The following CSF1R variants were observed in gnomAD, a reference collection of about 807,000 sequenced individuals.
The protein encoded by CSF1R is macrophage colony-stimulating factor 1 receptor.
Under a neutral mutation model 110.0 loss-of-function variants are expected in CSF1R, and 40 were observed. The observed-to-expected ratio is 0.36, with a 90% CI of 0.28 to 0.47. The LOEUF (loss-of-function observed/expected upper bound fraction) is 0.47, where lower values mean the gene tolerates loss of function less well. CSF1R is among the 20% of genes least tolerant of loss of function. The pLI is 0.99. For synonymous variants in CSF1R, 523 were observed against 503.4 expected, an observed-to-expected ratio of 1.04 and a Z score of -0.52; for missense variants, 1,052 against 1,253.0, an observed-to-expected ratio of 0.84 and a Z score of 2.42.
intron 1 of CSF1R, among the ~76,000 whole-genome samples, chr5:150,112,136 C>T (rs1392923943): frequency 7.9e-5 from 12 of 152,216 alleles, no homozygotes; most frequent in Admixed American, 7.9e-4. Flanking sequence ...CCTCACCTTG[C>T]CCCACACAGG....
intron 16 of CSF1R, 123 bp from the exon 17 acceptor site, chr5:150,056,464 T>C: frequency 8.0e-7 from 1 of 1,245,748 alleles, no homozygotes; most frequent in East Asian, 2.5e-5. Context: ...ACAGTTTTGG[T>C]CCTTTACCAC....
chr5:150,053,990 T>C lies in CSF1R; in HGVS notation c.*79A>G, dbSNP rs1757052394. On this transcript the variant is annotated 3_prime_UTR_variant, in exon 21 of 21. Coordinates refer to ENST00000675795, the MANE Select transcript of CSF1R (RefSeq NM_001288705.3). The stretch of plus-strand genomic sequence containing the variant: ...GAAATGACCGAAGGCAGAGTTTGTA[T>C]GTTCTCCCCGTGTCGCCCCATCCAT... 1.4e-6 allele frequency: 2 copies of C among 1,410,298 alleles called. No individual in the cohort carries two copies. Among genetic ancestry groups the C allele is most frequent in the Admixed American group, 3.8e-5 (2 of 53,198 alleles). The allele number at this position is 1,410,298 out of a possible 1,614,324, so 87.4% of individuals were successfully genotyped here.
Position 150,054,019 on chromosome 5 carries a change from G to T in CSF1R, c.*50C>A. ...CTCCCCGTGTCGCCCCATCCATGGA[G>T]GAGTTGAAGTTTGTGGGAGGGGAGA... On this transcript the variant is annotated 3_prime_UTR_variant, in exon 21 of 21. Coordinates refer to ENST00000675795, the MANE Select transcript of CSF1R (RefSeq NM_001288705.3). 6.4e-7 allele frequency: 1 copy of T among 1,572,516 alleles called. No individual in the cohort carries two copies. The highest frequency in any genetic ancestry group is 1.1e-5 in the South Asian group (1 of 88,438).
intron 2 of CSF1R, 68 bp from the exon 3 acceptor site, chr5:150,080,404 A>G (rs1758482683): frequency 6.4e-7 from 1 of 1,552,824 alleles, no homozygotes; most frequent in Non-Finnish European, 8.7e-7. Flanking sequence ...ACCTGGACAT[A>G]GGTGACAAGG....
In CSF1R at chr5:150,063,374, A is replaced by G. The variant is rs1581294799; in HGVS notation, c.1627-1525T>C. ...ATCTGACTTTTTTTTTTTGAGACAG[A>G]GTCTTGCTCCTTCACTCATGCCGGA... is the stretch of plus-strand genomic sequence containing the variant. On this transcript the variant is annotated intron_variant, in intron 10 of 20. Transcript: ENST00000675795. Among the ~76,000 whole-genome samples the G allele has an allele frequency of 2.6e-5, 4 of 151,380 alleles. No homozygotes were observed. The South Asian group carries it at 8.4e-4, about 32-fold the overall frequency.
At chr5:150,109,617 A>G (rs1010102) in intron 1 of CSF1R, among the ~76,000 whole-genome samples, 5,106 of 152,234 alleles carry the variant, frequency 0.034, 247 homozygotes, top group East Asian at 0.22. Context: ...CCACCAGTCC[A>G]GAGTACTTAG....
At chr5:150,087,630 T>G (rs1758894068), upstream of CSF1R, among the ~76,000 whole-genome samples, 3 of 152,234 alleles carry the variant, frequency 2.0e-5, no homozygotes, top group Admixed American at 2.0e-4. Context: ...ATAGCATTCC[T>G]TTGCTCCCTC....
chr5:150,071,380 G>A (rs1758024840), intron 6 of CSF1R, among the ~76,000 whole-genome samples: 1 of 152,100 alleles, frequency 6.6e-6, no homozygotes, highest in Non-Finnish European at 1.5e-5. Flanking sequence ...CCAGTTCACT[G>A]TCAAAATAAA....
chr5:150,109,673 C>T (rs1049162981), intron 1 of CSF1R, among the ~76,000 whole-genome samples: 8 of 152,182 alleles, frequency 5.3e-5, no homozygotes, highest in Admixed American at 3.9e-4. Context: ...GTTTGATTTT[C>T]TCAGCCGCCC....
In CSF1R at chr5:150,073,451, T is replaced by C; in HGVS notation, c.932A>G (p.Gln311Arg). The change falls in exon 6 of 21, where the codon CAG (glutamine) becomes CGG (arginine). Residue 311 changes from glutamine (Q) to arginine (R), a missense_variant. Physicochemically the swap from Gln to Arg is conservative, Grantham distance 43. Coordinates refer to ENST00000675795, the MANE Select transcript of CSF1R (RefSeq NM_001288705.3). ...LNLSSEQNLI[Q>R]EVTVGEGLNL... is the part of the protein sequence containing the mutation. ...GAGCCCCTCCCCCACGGTCACCTCC[T>C]GGATGAGGTTCTGCTCAGAGCTCAA... is the stretch of plus-strand genomic sequence containing the variant. The C allele has an allele frequency of 6.2e-7, 1 of 1,614,136 alleles. No individual in the cohort carries two copies. Among genetic ancestry groups the C allele is most frequent in the East Asian group, 2.2e-5 (1 of 44,882 alleles).
chr5:150,106,192 C>T (rs946351140), intron 1 of CSF1R, among the ~76,000 whole-genome samples: 2 of 152,176 alleles, frequency 1.3e-5, no homozygotes, highest in Admixed American at 1.3e-4. Context: ...GTGATGCTGC[C>T]GGGAAGGTGA....
chr5:150,095,725 G>A (rs183266616), intron 1 of CSF1R, among the ~76,000 whole-genome samples: 5 of 132,854 alleles, frequency 3.8e-5, no homozygotes, highest in Non-Finnish European at 6.4e-5. Context: ...AAAACCAAAA[G>A]CTTTTTCACT....
intron 1 of CSF1R, 124 bp downstream of exon 1, chr5:150,086,255 G>A: frequency 1.1e-6 from 1 of 899,522 alleles, no homozygotes; most frequent in East Asian, 2.7e-5. Flanking sequence ...CAAGCCTGCA[G>A]TCCAGTGTTG....
intron 5 of CSF1R, among the ~76,000 whole-genome samples, chr5:150,074,123 G>A (rs937313524): frequency 6.6e-6 from 1 of 152,150 alleles, no homozygotes; most frequent in Non-Finnish European, 1.5e-5. Context: ...CAAGGGGAAA[G>A]CCTTCCTGGC....
intron 5 of CSF1R, among the ~76,000 whole-genome samples, chr5:150,075,372 G>A (rs1380799505): frequency 1.3e-5 from 2 of 152,024 alleles, no homozygotes; most frequent in East Asian, 1.9e-4. Flanking sequence ...TCCCACTTTA[G>A]CTCTCTGACC....
intron 10 of CSF1R, among the ~76,000 whole-genome samples, chr5:150,066,653 C>A (rs774087542): frequency 6.6e-6 from 1 of 152,202 alleles, no homozygotes; most frequent in African/African-American, 2.4e-5. Context: ...GTAGAGATCC[C>A]GATCCATGTG....
In CSF1R at chr5:150,057,271, C is replaced by T; in HGVS notation, c.2319+16G>A. 1.9e-6 allele frequency: 3 copies of T among 1,610,398 alleles called. No individual in the cohort carries two copies. Among genetic ancestry groups the T allele is most frequent in the Non-Finnish European group, 2.5e-6 (3 of 1,178,280 alleles). On this transcript the variant is annotated intron_variant, in intron 16 of 20. Transcript: ENST00000675795. ...AGACCTGGGTGGCTATGAGCCAGGG[C>T]CAGGTTCCTACTCACATTCTTGGAA...
chr5:150,082,975 C>A (rs1279527927), intron 1 of CSF1R, among the ~76,000 whole-genome samples: 1 of 152,172 alleles, frequency 6.6e-6, no homozygotes, highest in East Asian at 1.9e-4. Flanking sequence ...CTTCCCCCAG[C>A]CTGTCTCTCT....
chr5:150,087,229 G>A (rs541985912), upstream of CSF1R, among the ~76,000 whole-genome samples: 6 of 152,348 alleles, frequency 3.9e-5, no homozygotes, highest in South Asian at 1.0e-3. Context: ...TACATCTGGG[G>A]TCAGAAGTAT....
Sources: gnomAD v4.1 joint callset for allele counts (sites outside exome capture counted in the v4.1 genomes callset) on GRCh38, gnomAD v4.1.1 for gene constraint, MANE v1.5 for transcripts, NCBI Gene and HGNC (gene_info 2026-07-23, HGNC 2026-07-21) for gene names.